Variants in SLC35F3 observed in about 807,000 individuals in gnomAD.
SLC35F3 encodes the protein solute carrier family 35 member F3.
A neutral mutation model predicts 49.9 loss-of-function variants in SLC35F3; 25 were observed. That is an observed-to-expected ratio of 0.50 (90% CI 0.37 to 0.70). The LOEUF is 0.70. Among genes scored for constraint, SLC35F3 ranks in the 30% least tolerant of loss-of-function variants. The probability of loss-of-function intolerance (pLI) is 0.00; values close to 1 mark genes in which losing one functional copy is unlikely to be tolerated. For synonymous variants in SLC35F3, 275 were observed against 265.4 expected, an observed-to-expected ratio of 1.04 and a Z score of -0.35; for missense variants, 525 against 639.8, an observed-to-expected ratio of 0.82 and a Z score of 1.94.
chr1:233,964,398 T>C (rs1327460891), intron 2 of SLC35F3, among the ~76,000 whole-genome samples: 1 of 152,230 alleles, frequency 6.6e-6, no homozygotes. Context: ...TGCTTATTCC[T>C]TCACCTACAG....
chr1:234,170,748 T>C (rs1666389474), intron 2 of SLC35F3, among the ~76,000 whole-genome samples: 1 of 152,188 alleles, frequency 6.6e-6, no homozygotes, highest in Non-Finnish European at 1.5e-5. Context: ...GTTACCTAAC[T>C]TAACCTAAGG....
chr1:233,908,505 C>T (rs145139910), intron 2 of SLC35F3, among the ~76,000 whole-genome samples: 3 of 148,524 alleles, frequency 2.0e-5, no homozygotes, highest in African/African-American at 2.5e-5. Flanking sequence ...TCGCAAGTTT[C>T]GCTCTAGACA....
intron 3 of SLC35F3, among the ~76,000 whole-genome samples, chr1:234,301,222 A>AAG (rs1421627498): frequency 1.3e-5 from 2 of 152,308 alleles, no homozygotes; most frequent in East Asian, 3.9e-4. Context: ...TTGTAGGTTG[A>AAG]AGAGAACCCT....
intron 2 of SLC35F3, among the ~76,000 whole-genome samples, chr1:233,947,773 G>A (rs1034854916): frequency 8.3e-5 from 12 of 145,118 alleles, no homozygotes; most frequent in Non-Finnish European, 1.5e-4. Context: ...AGAGAGAGAA[G>A]AGAGAGGAGA....
intron 2 of SLC35F3, among the ~76,000 whole-genome samples, chr1:234,175,073 A>G (rs1222326746): frequency 1.3e-5 from 2 of 152,164 alleles, no homozygotes; most frequent in Non-Finnish European, 2.9e-5. Flanking sequence ...TGAATTTTAG[A>G]ATTTGCTTAG....
At chr1:234,286,801 C>A (rs1668427530) in intron 3 of SLC35F3, among the ~76,000 whole-genome samples, 1 of 152,224 alleles carries the variant, frequency 6.6e-6, no homozygotes, top group Non-Finnish European at 1.5e-5. Flanking sequence ...GGGGAAACTT[C>A]TGTCACGACA....
At chr1:234,078,286 A>T (rs1664826675) in intron 2 of SLC35F3, among the ~76,000 whole-genome samples, 1 of 152,020 alleles carries the variant, frequency 6.6e-6, no homozygotes, top group Non-Finnish European at 1.5e-5. Flanking sequence ...CTCCTTCAGC[A>T]CCCACTGTTT....
At chr1:234,106,873 T>G (rs10910336) in intron 2 of SLC35F3, among the ~76,000 whole-genome samples, 7 of 152,088 alleles carry the variant, frequency 4.6e-5, no homozygotes, top group African/African-American at 1.7e-4. Context: ...ATGAAGAACA[T>G]TGGTCTTTGA....
intron 2 of SLC35F3, among the ~76,000 whole-genome samples, chr1:234,076,634 G>A (rs1402271808): frequency 6.6e-6 from 1 of 151,748 alleles, no homozygotes; most frequent in Non-Finnish European, 1.5e-5. Context: ...GCTAATTTTT[G>A]TATTTTAGTA....
In SLC35F3 at chr1:234,211,529, G is replaced by A. The variant is rs149586657; in HGVS notation, c.284-19888G>A. ...CCCCTTACATTGGTGTGACCCAGATGTGAGACATGGAGTCAAAGGAGAGCA... is the reference window on the plus strand; with the variant it reads ...CCCCTTACATTGGTGTGACCCAGATATGAGACATGGAGTCAAAGGAGAGCA... On this transcript the variant is annotated intron_variant, in intron 2 of 7. Coordinates refer to ENST00000366618, the MANE Select transcript of SLC35F3 (RefSeq NM_173508.4). Among the ~76,000 whole-genome samples the A allele has an allele frequency of 1.2e-4, 18 of 152,356 alleles. No homozygotes were observed. In the East Asian group the frequency reaches 3.3e-3, roughly 28 times the overall value.
intron 3 of SLC35F3, among the ~76,000 whole-genome samples, chr1:234,260,162 C>T (rs1208522181): frequency 2.0e-5 from 3 of 152,278 alleles, no homozygotes; most frequent in East Asian, 1.9e-4. Context: ...ACATCACACT[C>T]CTTAGTACTG....
intron 2 of SLC35F3, among the ~76,000 whole-genome samples, chr1:233,918,437 A>G (rs1035763593): frequency 6.6e-6 from 1 of 152,068 alleles, no homozygotes; most frequent in Non-Finnish European, 1.5e-5. Context: ...ATTTTGGGGG[A>G]AACATAGCTA....
chr1:234,257,365 C>T (rs1273778907), intron 3 of SLC35F3, among the ~76,000 whole-genome samples: 1 of 152,108 alleles, frequency 6.6e-6, no homozygotes, highest in Non-Finnish European at 1.5e-5. Context: ...CCTAAATCTG[C>T]TGTTTCTAGT....
chr1:234,235,461 CTG>C, intron 3 of SLC35F3, among the ~76,000 whole-genome samples: 1 of 152,332 alleles, frequency 6.6e-6, no homozygotes, highest in Non-Finnish European at 1.5e-5. Context: ...TTGGGAGAGA[CTG>C]TTGAGCACAT....
intron 3 of SLC35F3, among the ~76,000 whole-genome samples, chr1:234,263,907 G>A (rs1299029440): frequency 5.3e-5 from 8 of 152,146 alleles, no homozygotes; most frequent in African/African-American, 9.7e-5. Context: ...TCAGGAGTTC[G>A]AGACCAGCCT....
At chr1:234,028,321 G>C (rs956584208) in intron 2 of SLC35F3, among the ~76,000 whole-genome samples, 1 of 152,204 alleles carries the variant, frequency 6.6e-6, no homozygotes, top group Non-Finnish European at 1.5e-5. Flanking sequence ...CTACCATTAG[G>C]TGATGATCTG....
intron 1 of SLC35F3, 146 bp from the exon 2 acceptor site, chr1:233,905,383 G>A (rs9435566): frequency 1.4e-6 from 1 of 715,220 alleles, no homozygotes; most frequent in South Asian, 1.9e-5. Flanking sequence ...GGGAAGGGAG[G>A]AGCGCGGGCT....
At chr1:234,189,200 C>T (rs1666694161) in intron 2 of SLC35F3, among the ~76,000 whole-genome samples, 1 of 151,884 alleles carries the variant, frequency 6.6e-6, no homozygotes, top group Admixed American at 6.6e-5. Context: ...TCACCAGCAA[C>T]AAATCCAAAC....
At chr1:234,017,887 G>C (rs1194653192) in intron 2 of SLC35F3, among the ~76,000 whole-genome samples, 2 of 151,826 alleles carry the variant, frequency 1.3e-5, no homozygotes, top group East Asian at 3.9e-4. Flanking sequence ...ATGTCTCAAG[G>C]AAGCTTCTCT....
Sources: allele counts gnomAD v4.1 joint callset (sites outside exome capture counted in the v4.1 genomes callset), GRCh38; gene constraint gnomAD v4.1.1; transcripts MANE v1.5; gene names NCBI Gene and HGNC (gene_info 2026-07-23, HGNC 2026-07-21).